Variants in PIK3R3 observed in about 807,000 individuals in gnomAD.
PIK3R3 encodes the protein phosphoinositide-3-kinase regulatory subunit 3.
PIK3R3 carries 64 observed loss-of-function variants against 62.9 expected under a neutral mutation model. That is an observed-to-expected ratio of 1.02 (90% CI 0.83 to 1.25). The LOEUF (loss-of-function observed/expected upper bound fraction) is 1.25, where lower values mean the gene tolerates loss of function less well. PIK3R3 is among the 50% of genes most tolerant of loss of function. The pLI is 0.00. For synonymous variants in PIK3R3, 165 were observed against 189.0 expected, an observed-to-expected ratio of 0.87 and a Z score of 1.04; for missense variants, 614 against 561.6, an observed-to-expected ratio of 1.09 and a Z score of -0.94.
chr1:46,110,799 T>C (rs995524542), intron 1 of PIK3R3, among the ~76,000 whole-genome samples: 6 of 151,312 alleles, frequency 4.0e-5, no homozygotes, highest in African/African-American at 1.5e-4. Context: ...TGAACAGCAG[T>C]GGAATTTTAC....
chr1:46,043,537 G>A lies in PIK3R3; in HGVS notation c.*136C>T, dbSNP rs368552845. Reference sequence around the variant, plus strand: ...CCCCCATCCCGGCCGGCTGCTGCTCGGCCTCTCCACTTCACATTCACAAAA... The same window carrying A: ...CCCCCATCCCGGCCGGCTGCTGCTCAGCCTCTCCACTTCACATTCACAAAA... On this transcript the variant is annotated 3_prime_UTR_variant, in exon 10 of 10. Transcript: ENST00000262741. 15 of 762,024 alleles carry A rather than the reference G, an allele frequency of 2.0e-5. No homozygotes were observed. The highest frequency in any genetic ancestry group is 1.6e-4 in the East Asian group (6 of 37,038). 47.2% of individuals were successfully genotyped at this position (762,024 alleles called of 1,614,324 possible).
the PIK3R3 span, among the ~76,000 whole-genome samples, chr1:46,153,551 A>G: frequency 6.6e-6 from 1 of 152,316 alleles, no homozygotes; most frequent in East Asian, 1.9e-4. Context: ...TGCCTCCTTA[A>G]GGCTGGTGTG....
intron 3 of PIK3R3, among the ~76,000 whole-genome samples, chr1:46,068,267 TCTGTTAAAGTTA>T (rs1649187162): frequency 6.6e-6 from 1 of 152,194 alleles, no homozygotes. Flanking sequence ...AGCTGGCCTC[TCTGTTAAAGTTA>T]AAAGACATTC....
At chr1:46,053,019 G>A (rs1009230131) in intron 7 of PIK3R3, among the ~76,000 whole-genome samples, 2 of 152,240 alleles carry the variant, frequency 1.3e-5, no homozygotes, top group East Asian at 1.9e-4. Context: ...CTTCAGGACC[G>A]ACTATACAAA....
the PIK3R3 span, among the ~76,000 whole-genome samples, chr1:46,166,422 C>G: frequency 6.6e-6 from 1 of 151,880 alleles, no homozygotes; most frequent in Admixed American, 6.6e-5. Flanking sequence ...GGGGTTTCAC[C>G]ATGTTGGCCG....
chr1:46,147,337 T>G, the PIK3R3 span, among the ~76,000 whole-genome samples: 8 of 152,298 alleles, frequency 5.3e-5, no homozygotes, highest in South Asian at 1.0e-3. Context: ...ACTCCTGACC[T>G]CAAGTGATCC....
chr1:46,052,616 T>A (rs785472), intron 7 of PIK3R3, among the ~76,000 whole-genome samples: 69,569 of 151,848 alleles, frequency 0.46, 16,087 homozygotes, highest in East Asian at 0.62. Flanking sequence ...CTCATCCCAT[T>A]TTCCCATCAA....
chr1:46,165,750 C>CTTTTTT, the PIK3R3 span, among the ~76,000 whole-genome samples: 1 of 81,798 alleles, frequency 1.2e-5, no homozygotes, highest in East Asian at 3.6e-4. Context: ...GCTGCTTTGT[C>CTTTTTT]CTTTTTTTTT....
At chr1:46,158,866 T>C in the PIK3R3 span, among the ~76,000 whole-genome samples, 1 of 152,102 alleles carries the variant, frequency 6.6e-6, no homozygotes, top group Non-Finnish European at 1.5e-5. Flanking sequence ...GACGGGTGGA[T>C]CACGAGGTCA....
At chr1:46,072,418 TTTCA>T (rs1198828499) in intron 3 of PIK3R3, among the ~76,000 whole-genome samples, 1 of 152,270 alleles carries the variant, frequency 6.6e-6, no homozygotes, top group African/African-American at 2.4e-5. Context: ...TCATTAATTC[TTTCA>T]TTCAAACATT....
At chr1:46,146,251 T>C in the PIK3R3 span, among the ~76,000 whole-genome samples, 2 of 152,188 alleles carry the variant, frequency 1.3e-5, no homozygotes, top group Admixed American at 1.3e-4. Flanking sequence ...GGCTTCCTCG[T>C]GAACTCTAAT....
At chr1:46,146,379 T>G in the PIK3R3 span, among the ~76,000 whole-genome samples, 4 of 152,162 alleles carry the variant, frequency 2.6e-5, no homozygotes, top group African/African-American at 9.7e-5. Context: ...CTATACATTT[T>G]ACCTCCAATT....
At chr1:46,165,614 TCTTA>T in the PIK3R3 span, among the ~76,000 whole-genome samples, 1 of 151,832 alleles carries the variant, frequency 6.6e-6, no homozygotes, top group South Asian at 2.1e-4. Flanking sequence ...CCCCTATTAT[TCTTA>T]CTTTACAGAT....
intron 2 of PIK3R3, 24 bp downstream of exon 2, chr1:46,080,618 C>A: frequency 4.2e-6 from 6 of 1,440,972 alleles, no homozygotes; most frequent in Non-Finnish European, 5.8e-6. Flanking sequence ...AAACTGCATT[C>A]AATTACAGTA....
Position 46,132,573 on chromosome 1 carries a change from C to A in PIK3R3, c.-621G>T. 7.8e-7 allele frequency: 1 copy of A among 1,285,364 alleles called. No individual in the cohort carries two copies. The highest frequency in any genetic ancestry group is 1.0e-6 in the Non-Finnish European group (1 of 986,524). The allele number at this position is 1,285,364 out of a possible 1,614,324, so 79.6% of individuals were successfully genotyped here. On this transcript the variant is annotated 5_prime_UTR_variant, in exon 1 of 10. Coordinates refer to ENST00000262741, the MANE Select transcript of PIK3R3 (RefSeq NM_003629.4). ...CCAGTCAGCTCGGCTTGTCTGGGCG[C>A]TCCCGCCGGGGTGTAAGAACCAACC...
intron 3 of PIK3R3, among the ~76,000 whole-genome samples, chr1:46,075,537 A>T (rs1359481638): frequency 1.3e-5 from 2 of 152,188 alleles, no homozygotes; most frequent in South Asian, 4.1e-4. Flanking sequence ...TAGGAGGATC[A>T]CTTAGGCCTG....
the PIK3R3 span, among the ~76,000 whole-genome samples, chr1:46,171,807 G>C: frequency 1.3e-5 from 2 of 152,102 alleles, no homozygotes; most frequent in African/African-American, 4.8e-5. Context: ...AGGGCTTGGG[G>C]CAGAACCAAG....
At chr1:46,046,888 G>A (rs1647129908) in intron 7 of PIK3R3, 2 of 525,112 alleles carry the variant, frequency 3.8e-6, no homozygotes, top group African/African-American at 1.9e-5. Flanking sequence ...TTTCTTTTCT[G>A]GAGGATGTGC....
chr1:46,066,118 G>A lies in PIK3R3; in HGVS notation c.557C>T (p.Ser186Phe). The A allele has an allele frequency of 6.3e-7, 1 of 1,598,508 alleles. No individual in the cohort carries two copies. Among genetic ancestry groups the A allele is most frequent in the East Asian group, 2.2e-5 (1 of 44,628 alleles). The change falls in exon 5 of 10, where the codon TCT becomes TTT. Residue 186 changes from serine (S) to phenylalanine (F), a missense_variant. Transcript: ENST00000262741. ...AVGKKLQEYH[S>F]QYQEKSKEYD... ...CTCTTTACTCTTCTCCTGATACTGA[G>A]AGTGGTATTCTTGCAGTTTTTTACC...
Sources: allele counts gnomAD v4.1 joint callset (sites outside exome capture counted in the v4.1 genomes callset), GRCh38; gene constraint gnomAD v4.1.1; transcripts MANE v1.5; gene names NCBI Gene and HGNC (gene_info 2026-07-23, HGNC 2026-07-21).